Variants in SUMF1 observed in about 807,000 individuals in gnomAD.
The protein encoded by SUMF1 is sulfatase modifying factor 1.
Under a neutral mutation model 47.6 loss-of-function variants are expected in SUMF1, and 48 were observed. That is an observed-to-expected ratio of 1.01 (90% CI 0.80 to 1.28). The LOEUF (loss-of-function observed/expected upper bound fraction) is 1.28, where lower values mean the gene tolerates loss of function less well. SUMF1 is among the 50% of genes most tolerant of loss of function. The pLI, the probability that SUMF1 is intolerant of heterozygous loss-of-function variation, is 0.00. For missense variants in SUMF1, 571 were observed against 485.4 expected (o/e 1.18, Z -1.66); for synonymous variants, 230 against 192.1 (o/e 1.20, Z -1.63).
At chr3:4,297,428 G>T (rs1161806523) in intron 8 of SUMF1, among the ~76,000 whole-genome samples, 1 of 152,062 alleles carries the variant, frequency 6.6e-6, no homozygotes, top group East Asian at 1.9e-4. Flanking sequence ...TTAGAGAGAA[G>T]GTCTCTCTCC....
At chr3:4,394,956 CTT>C (rs1219535792) in intron 7 of SUMF1, among the ~76,000 whole-genome samples, 2 of 152,212 alleles carry the variant, frequency 1.3e-5, no homozygotes, top group South Asian at 2.1e-4. Flanking sequence ...GAAAGGAACT[CTT>C]TGTTTTCAAA....
chr3:4,109,262 T>C (rs1693234073), intron 8 of SUMF1, among the ~76,000 whole-genome samples: 1 of 152,106 alleles, frequency 6.6e-6, no homozygotes, highest in African/African-American at 2.4e-5. Flanking sequence ...CCCCACTCTC[T>C]TCTGGCTTGT....
At chr3:4,206,419 G>A (rs970533544) in intron 8 of SUMF1, among the ~76,000 whole-genome samples, 5 of 152,080 alleles carry the variant, frequency 3.3e-5, no homozygotes, top group Admixed American at 3.3e-4. Flanking sequence ...CCCCTCCAGT[G>A]AGGGCTGGTC....
chr3:4,440,984 C>T (rs1483445845), intron 3 of SUMF1, among the ~76,000 whole-genome samples: 4 of 151,938 alleles, frequency 2.6e-5, no homozygotes, highest in Non-Finnish European at 4.4e-5. Flanking sequence ...AAATACTATC[C>T]TTTTTTTCAA....
At chr3:4,277,647 G>A (rs1247315030) in intron 8 of SUMF1, among the ~76,000 whole-genome samples, 1 of 152,116 alleles carries the variant, frequency 6.6e-6, no homozygotes, top group Admixed American at 6.6e-5. Flanking sequence ...AGGAGGCTCA[G>A]AAGAACTGGC....
intron 8 of SUMF1, among the ~76,000 whole-genome samples, chr3:4,166,288 G>A (rs1010239036): frequency 5.3e-5 from 8 of 152,118 alleles, no homozygotes; most frequent in African/African-American, 1.9e-4. Flanking sequence ...CATACCATGA[G>A]GGAGGGAAGG....
chr3:4,216,124 T>C (rs1310885844), intron 8 of SUMF1, among the ~76,000 whole-genome samples: 2 of 152,166 alleles, frequency 1.3e-5, no homozygotes, highest in African/African-American at 4.8e-5. Context: ...GGCATCATGT[T>C]GCCTGACTTC....
intron 3 of SUMF1, among the ~76,000 whole-genome samples, chr3:4,432,865 CATT>C (rs1482989777): frequency 6.6e-6 from 1 of 152,058 alleles, no homozygotes; most frequent in Non-Finnish European, 1.5e-5. Flanking sequence ...ACTGGATAAA[CATT>C]ATTTTTCATG....
At chr3:4,035,510 T>C (rs1182374953) in intron 9 of SUMF1, among the ~76,000 whole-genome samples, 1 of 152,228 alleles carries the variant, frequency 6.6e-6, no homozygotes, top group Non-Finnish European at 1.5e-5. Context: ...ATCTCATATT[T>C]AGCTGCTTAA....
intron 8 of SUMF1, among the ~76,000 whole-genome samples, chr3:4,128,453 G>C (rs773694509): frequency 2.6e-5 from 4 of 152,132 alleles, no homozygotes; most frequent in African/African-American, 4.8e-5. Context: ...AATCCATGCT[G>C]CCATCAGCCT....
intron 8 of SUMF1, among the ~76,000 whole-genome samples, chr3:4,231,163 A>C (rs1696290377): frequency 6.6e-6 from 1 of 152,090 alleles, no homozygotes. Flanking sequence ...CTGGCCTGCT[A>C]ATAGCTAGGC....
intron 8 of SUMF1, among the ~76,000 whole-genome samples, chr3:4,340,105 G>GCGCACACACA (rs1553559568): frequency 1.3e-5 from 2 of 150,568 alleles, no homozygotes; most frequent in Non-Finnish European, 3.0e-5. Context: ...GCACCAATGT[G>GCGCACACACA]CACACACACA....
At chr3:4,399,745 C>CTTTCT (rs983473264) in intron 7 of SUMF1, among the ~76,000 whole-genome samples, 1 of 152,082 alleles carries the variant, frequency 6.6e-6, no homozygotes, top group Admixed American at 6.6e-5. Context: ...CGTAAATTTC[C>CTTTCT]TTTCTTTTCT....
intron 8 of SUMF1, among the ~76,000 whole-genome samples, chr3:4,284,921 C>G (rs1697602388): frequency 6.6e-6 from 1 of 152,112 alleles, no homozygotes; most frequent in Non-Finnish European, 1.5e-5. Flanking sequence ...TAGCTGTTAA[C>G]TTTGATATGA....
chr3:4,139,083 TAAC>T (rs1694012491), intron 8 of SUMF1, among the ~76,000 whole-genome samples: 1 of 152,138 alleles, frequency 6.6e-6, no homozygotes, highest in Admixed American at 6.6e-5. Context: ...ATTTTCCTAA[TAAC>T]AAAACTATTA....
At chr3:4,416,958 A>T (rs1701733965) in intron 6 of SUMF1, among the ~76,000 whole-genome samples, 170 bp downstream of exon 6, 1 of 152,268 alleles carries the variant, frequency 6.6e-6, no homozygotes, top group Admixed American at 6.5e-5. Flanking sequence ...AATCCATTAT[A>T]CAAAAAGAAA....
intron 9 of SUMF1, among the ~76,000 whole-genome samples, chr3:4,052,506 C>T (rs964292816): frequency 3.3e-5 from 5 of 152,166 alleles, no homozygotes; most frequent in Admixed American, 6.6e-5. Context: ...AACTGCAGCT[C>T]CTGCATGCTT....
chr3:4,339,380 T>C (rs1033789150), intron 8 of SUMF1, among the ~76,000 whole-genome samples: 3 of 152,120 alleles, frequency 2.0e-5, no homozygotes. Flanking sequence ...GCTGCTAGGA[T>C]TCCCACCTGT....
At chr3:4,165,879 C>T (rs1694693376) in intron 8 of SUMF1, among the ~76,000 whole-genome samples, 1 of 136,530 alleles carries the variant, frequency 7.3e-6, no homozygotes, top group South Asian at 2.6e-4. Context: ...CCCCCCCGAG[C>T]AAGAACCTGC....
Sources: gnomAD v4.1 joint callset for allele counts (sites outside exome capture counted in the v4.1 genomes callset) on GRCh38, gnomAD v4.1.1 for gene constraint, MANE v1.5 for transcripts, NCBI Gene and HGNC (gene_info 2026-07-23, HGNC 2026-07-21) for gene names.